Variants in ANKS1B observed in about 807,000 individuals in gnomAD.
ANKS1B encodes the protein ankyrin repeat and sterile alpha motif domain-containing protein 1B.
A neutral mutation model predicts 148.3 loss-of-function variants in ANKS1B; 36 were observed. The ratio of observed to expected loss-of-function variants is 0.24; its 90% CI spans 0.19 to 0.32. The LOEUF (loss-of-function observed/expected upper bound fraction) is 0.32. ANKS1B is among the 10% of genes least tolerant of loss of function. ANKS1B has a pLI of 1.00. For synonymous variants in ANKS1B, 542 were observed against 560.8 expected (o/e 0.97, Z 0.47); for missense variants, 1,157 against 1,542.6 (o/e 0.75, Z 4.19).
intron 9 of ANKS1B, among the ~76,000 whole-genome samples, chr12:99,564,423 T>G (rs1409173502): frequency 1.3e-5 from 2 of 151,902 alleles, no homozygotes; most frequent in Non-Finnish European, 2.9e-5. Flanking sequence ...TATAAAATTA[T>G]CCCATTTTTT....
intron 25 of ANKS1B, among the ~76,000 whole-genome samples, chr12:98,752,762 G>A (rs1450742538): frequency 6.6e-6 from 1 of 151,644 alleles, no homozygotes; most frequent in African/African-American, 2.4e-5. Flanking sequence ...GCCTTGGAAG[G>A]TAAGGGGTTA....
chr12:98,913,166 A>G (rs1057474081), intron 17 of ANKS1B, among the ~76,000 whole-genome samples: 45 of 152,146 alleles, frequency 3.0e-4, no homozygotes, highest in African/African-American at 1.0e-3. Context: ...CCAAGTCTGT[A>G]CTTAGGGTCT....
At chr12:99,234,623 T>C (rs1158005021) in intron 14 of ANKS1B, among the ~76,000 whole-genome samples, 3 of 152,166 alleles carry the variant, frequency 2.0e-5, no homozygotes, top group Admixed American at 1.3e-4. Flanking sequence ...TGTTAGACTT[T>C]TATGTATATG....
chr12:99,158,355 T>G (rs780445448), intron 14 of ANKS1B, among the ~76,000 whole-genome samples: 3 of 152,162 alleles, frequency 2.0e-5, no homozygotes, highest in Non-Finnish European at 4.4e-5. Context: ...AAACTGACCA[T>G]TATTCTGGGC....
intron 17 of ANKS1B, among the ~76,000 whole-genome samples, chr12:98,910,225 A>C (rs769372456): frequency 2.6e-5 from 4 of 152,162 alleles, no homozygotes; most frequent in African/African-American, 4.8e-5. Flanking sequence ...GTGAACTTTG[A>C]CTCTCAAATA....
rs576226031 is a variant in ANKS1B, at chr12:99,465,159, T to C, written c.1439-21350A>G. On this transcript the variant is annotated intron_variant, in intron 10 of 26. Coordinates refer to ENST00000683438, the MANE Select transcript of ANKS1B (RefSeq NM_001352186.2). ...TATTCAACATTCTTAAAGAAAAGAATTTTCAACCCAGAATTTCATATCCAG... is the reference window on the plus strand; with the variant it reads ...TATTCAACATTCTTAAAGAAAAGAACTTTCAACCCAGAATTTCATATCCAG... Among the ~76,000 whole-genome samples, 3 of 152,300 alleles carry C rather than the reference T, an allele frequency of 2.0e-5. No homozygotes were observed. The East Asian group carries it at 5.8e-4, about 29-fold the overall frequency.
At chr12:99,154,259 G>C (rs1339069911) in intron 15 of ANKS1B, 30 bp downstream of exon 15, 1 of 1,611,874 alleles carries the variant, frequency 6.2e-7, no homozygotes, top group East Asian at 2.2e-5. Flanking sequence ...CAGACAAAAG[G>C]CAGCTCCGTG....
chr12:98,767,021 G>C (rs1349392793), intron 25 of ANKS1B, among the ~76,000 whole-genome samples: 5 of 146,716 alleles, frequency 3.4e-5, no homozygotes, highest in Non-Finnish European at 6.0e-5. Flanking sequence ...GTTGCCCTAT[G>C]TTGCCCAGGC....
At chr12:99,960,480 C>T (rs1258495740) in intron 1 of ANKS1B, among the ~76,000 whole-genome samples, 1 of 152,106 alleles carries the variant, frequency 6.6e-6, no homozygotes, top group Non-Finnish European at 1.5e-5. Context: ...TTCCTGACCA[C>T]GGGGTTTACC....
chr12:99,984,369 T>A lies in ANKS1B; in HGVS notation c.-132A>T. On this transcript the variant is annotated 5_prime_UTR_variant, in exon 1 of 27. Transcript: ENST00000683438. ...ATGCAAGAGCTTCAGCACGGAGAGC[T>A]CCCTGCAGCCCCAGGCAGGGAGCAC... 1.0e-5 allele frequency: 4 copies of A among 401,126 alleles called. No homozygotes were observed. Among genetic ancestry groups the A allele is most frequent in the East Asian group, 7.3e-5 (1 of 13,632 alleles). The allele number at this position is 401,126 out of a possible 1,614,324, so 24.8% of individuals were successfully genotyped here.
intron 15 of ANKS1B, among the ~76,000 whole-genome samples, chr12:99,128,364 T>C (rs912330230): frequency 1.3e-5 from 2 of 152,188 alleles, no homozygotes; most frequent in Non-Finnish European, 2.9e-5. Flanking sequence ...ATTGCTAGTG[T>C]CCTGTTGCTG....
At chr12:99,545,514 G>A (rs2097164389) in intron 9 of ANKS1B, among the ~76,000 whole-genome samples, 1 of 151,918 alleles carries the variant, frequency 6.6e-6, no homozygotes, top group Admixed American at 6.6e-5. Flanking sequence ...GAGGCAAAGG[G>A]GTTATTGGCT....
chr12:99,737,452 T>C (rs1306843336), intron 8 of ANKS1B, among the ~76,000 whole-genome samples: 1 of 152,076 alleles, frequency 6.6e-6, no homozygotes, highest in Non-Finnish European at 1.5e-5. Flanking sequence ...AAACATAATA[T>C]CACATTTTCT....
chr12:98,889,822 G>A (rs1567582848), intron 17 of ANKS1B, among the ~76,000 whole-genome samples: 1 of 152,144 alleles, frequency 6.6e-6, no homozygotes, highest in African/African-American at 2.4e-5. Context: ...TGACTTGCAC[G>A]TAGTTGTAAC....
intron 25 of ANKS1B, among the ~76,000 whole-genome samples, chr12:98,758,336 T>A (rs1566102753): frequency 6.6e-6 from 1 of 152,232 alleles, no homozygotes; most frequent in South Asian, 2.1e-4. Context: ...GGCTATACTC[T>A]TCTTGACCAT....
chr12:99,780,488 TAGCAA>T (rs1194476256), intron 5 of ANKS1B, among the ~76,000 whole-genome samples: 1 of 151,974 alleles, frequency 6.6e-6, no homozygotes, highest in Non-Finnish European at 1.5e-5. Context: ...TTCACTGTGT[TAGCAA>T]GGATGGTCTC....
intron 11 of ANKS1B, among the ~76,000 whole-genome samples, chr12:99,409,606 C>T (rs1238837991): frequency 6.6e-6 from 1 of 151,818 alleles, no homozygotes; most frequent in Non-Finnish European, 1.5e-5. Flanking sequence ...GTCAAAATAT[C>T]TCATATACTC....
chr12:99,355,564 G>A (rs903039504), intron 12 of ANKS1B, among the ~76,000 whole-genome samples: 2 of 152,046 alleles, frequency 1.3e-5, no homozygotes, highest in Admixed American at 1.3e-4. Context: ...TGTTTGCTTG[G>A]CTTTCTGATT....
At chr12:99,008,771 G>A (rs1177217715) in intron 17 of ANKS1B, among the ~76,000 whole-genome samples, 3 of 152,218 alleles carry the variant, frequency 2.0e-5, no homozygotes, top group Non-Finnish European at 4.4e-5. Context: ...TTCACATGCT[G>A]CAAGATCTCA....
Sources: gnomAD v4.1 joint callset for allele counts (sites outside exome capture counted in the v4.1 genomes callset) on GRCh38, gnomAD v4.1.1 for gene constraint, MANE v1.5 for transcripts, NCBI Gene and HGNC (gene_info 2026-07-23, HGNC 2026-07-21) for gene names.